The following EHBP1 variants were observed in gnomAD, a reference collection of about 807,000 sequenced individuals.
EHBP1 encodes the protein EH domain binding protein 1, also known as EH domain-binding protein 1.
A neutral mutation model predicts 144.0 loss-of-function variants in EHBP1; 55 were observed. The ratio of observed to expected loss-of-function variants is 0.38; its 90% CI spans 0.31 to 0.48. EHBP1 has a LOEUF of 0.48. EHBP1 is among the 20% of genes least tolerant of loss of function. EHBP1 has a pLI of 0.98. For missense variants in EHBP1, 1,200 were observed against 1,364.2 expected (o/e 0.88, Z 1.90); for synonymous variants, 469 against 472.7 (o/e 0.99, Z 0.10).
intron 2 of EHBP1, among the ~76,000 whole-genome samples, chr2:62,717,006 G>A (rs116489849): frequency 0.02 from 3,026 of 152,186 alleles, 104 homozygotes; most frequent in African/African-American, 0.069. Context: ...GGCCTCAAGC[G>A]ACCCTCTGCC....
chr2:62,945,566 G>A (rs1384552268), intron 12 of EHBP1, among the ~76,000 whole-genome samples: 1 of 152,096 alleles, frequency 6.6e-6, no homozygotes, highest in Admixed American at 6.6e-5. Context: ...CCTGGGGAAT[G>A]TAGCAAGACC....
At chr2:62,934,808 A>C (rs1377216866) in intron 10 of EHBP1, among the ~76,000 whole-genome samples, 1 of 152,192 alleles carries the variant, frequency 6.6e-6, no homozygotes, top group East Asian at 1.9e-4. Context: ...AGTTCACCAA[A>C]CTGGGGTCAG....
chr2:62,898,602 TTTCTC>T (rs1167339213), intron 10 of EHBP1, among the ~76,000 whole-genome samples: 4 of 152,160 alleles, frequency 2.6e-5, no homozygotes, highest in African/African-American at 4.8e-5. Context: ...AACCACCCCT[TTTCTC>T]CAATCACTAT....
chr2:62,991,958 G>C lies in EHBP1; in HGVS notation c.2733+1118G>C, dbSNP rs534747856. On this transcript the variant is annotated intron_variant, in intron 16 of 22. Transcript: ENST00000431489. The stretch of plus-strand genomic sequence containing the variant: ...TTTGAACAAAAGGAAGCCTGGATCG[G>C]GTCTGATTTTTTGCGTTCAATTTAG... 3.9e-5 allele frequency among the ~76,000 whole-genome samples: 6 copies of C among 152,268 alleles called. No individual in the cohort carries two copies. In the South Asian group the frequency reaches 1.0e-3, roughly 26 times the overall value.
intron 7 of EHBP1, among the ~76,000 whole-genome samples, chr2:62,836,847 C>A (rs1260460730): frequency 6.6e-6 from 1 of 151,376 alleles, no homozygotes; most frequent in Non-Finnish European, 1.5e-5. Flanking sequence ...TGTGAAAAGA[C>A]CAAATGTATG....
intron 2 of EHBP1, among the ~76,000 whole-genome samples, chr2:62,724,310 C>T (rs1284097871): frequency 6.6e-6 from 1 of 152,168 alleles, no homozygotes; most frequent in African/African-American, 2.4e-5. Flanking sequence ...TAGTGTGTAA[C>T]CAATTCTGTC....
At chr2:62,716,162 A>G (rs113743036) in intron 2 of EHBP1, among the ~76,000 whole-genome samples, 109 of 152,084 alleles carry the variant, frequency 7.2e-4, no homozygotes, top group African/African-American at 2.4e-3. Context: ...CTCTACTTCC[A>G]GAATTTTCTG....
At chr2:62,742,968 A>G (rs551145010) in intron 2 of EHBP1, among the ~76,000 whole-genome samples, 102 of 152,242 alleles carry the variant, frequency 6.7e-4, no homozygotes, top group East Asian at 3.5e-3. Flanking sequence ...ACCTCCCACC[A>G]GCATAAAGTA....
At chr2:62,977,980 G>A (rs1204025427) in intron 14 of EHBP1, among the ~76,000 whole-genome samples, 1 of 152,054 alleles carries the variant, frequency 6.6e-6, no homozygotes, top group African/African-American at 2.4e-5. Context: ...CACACTCAGA[G>A]CCACAAGTAC....
chr2:62,915,119 G>T (rs1381557200), intron 10 of EHBP1, among the ~76,000 whole-genome samples: 1 of 151,822 alleles, frequency 6.6e-6, no homozygotes, highest in African/African-American at 2.4e-5. Context: ...TATGGTCTAT[G>T]TATACGTATG....
intron 19 of EHBP1, among the ~76,000 whole-genome samples, chr2:63,032,000 T>G (rs932188942): frequency 6.6e-6 from 1 of 152,140 alleles, no homozygotes; most frequent in African/African-American, 2.4e-5. Context: ...TTATATTTTT[T>G]TCCGTAATGA....
rs142184822 is a variant in EHBP1, at chr2:63,045,656, T to G, written c.*156T>G. On this transcript the variant is annotated 3_prime_UTR_variant, in exon 23 of 23. Transcript: ENST00000431489. The surrounding 1 kb of genome is among the most constrained non-coding windows in gnomAD (Gnocchi z 5.7). ...TTACCACCACCACCCTTTTCCTCCC[T>G]CCTTTCCAAATAATATACAGAACTC... 314 of 610,994 alleles carry G rather than the reference T, an allele frequency of 5.1e-4. 1 individual carries two copies. The highest frequency in any genetic ancestry group is 4.8e-3 in the African/African-American group (259 of 54,060). 37.8% of individuals were successfully genotyped at this position (610,994 alleles called of 1,614,324 possible).
chr2:62,830,195 CATATATATACACATAT>C (rs2046723656), intron 6 of EHBP1, among the ~76,000 whole-genome samples: 1 of 116,250 alleles, frequency 8.6e-6, no homozygotes, highest in African/African-American at 3.4e-5. Context: ...CACACACACA[CATATATATACACATAT>C]ACACACACAC....
At chr2:62,820,421 A>G (rs1357263856) in intron 5 of EHBP1, among the ~76,000 whole-genome samples, 1 of 151,858 alleles carries the variant, frequency 6.6e-6, no homozygotes, top group Non-Finnish European at 1.5e-5. Context: ...AGTGCCATTG[A>G]GTACATTCAC....
intron 10 of EHBP1, among the ~76,000 whole-genome samples, chr2:62,916,110 C>T (rs1574039966): frequency 6.6e-6 from 1 of 152,150 alleles, no homozygotes; most frequent in Non-Finnish European, 1.5e-5. Context: ...GACTTGAGCC[C>T]AGGAGTTTGA....
intron 3 of EHBP1, among the ~76,000 whole-genome samples, chr2:62,749,309 A>G (rs1009326972): frequency 7.9e-5 from 12 of 152,248 alleles, no homozygotes; most frequent in African/African-American, 2.9e-4. Context: ...TTCAAAGGAC[A>G]TGAACTCATC....
chr2:62,832,783 C>T (rs1369341510), intron 7 of EHBP1, among the ~76,000 whole-genome samples: 3 of 152,106 alleles, frequency 2.0e-5, no homozygotes, highest in South Asian at 2.1e-4. Flanking sequence ...TGGGCCTCCT[C>T]GTTCCCTGGG....
At position 62,979,210 on chromosome 2, in the gene EHBP1, G is replaced by A. The variant is rs143133706; in HGVS notation, c.2483G>A (p.Arg828Gln). ...LSDQQDEERR[R>Q]QLRERARQLI... is the part of the protein sequence containing the mutation. ...TAGCAGCAAGATGAAGAGCGACGTC[G>A]GCAGCTGAGAGAGAGAGCTCGTCAG... Residue 828 changes from arginine (R) to glutamine (Q), a missense_variant, in exon 15 of 23, where the codon CGG (arginine) becomes CAG (glutamine). By Grantham distance (43) the Arg-to-Gln change is conservative (BLOSUM62 1). This residue lies in a region of EHBP1 where 543 missense variants were observed against 513.1 expected (regional missense o/e 1.06). Transcript: ENST00000431489. 3.9e-4 allele frequency: 632 copies of A among 1,613,050 alleles called. 1 individual carries two copies. The highest frequency in any genetic ancestry group is 5.2e-4 in the Non-Finnish European group (612 of 1,179,496).
At chr2:62,724,232 T>C (rs1456608947) in intron 2 of EHBP1, among the ~76,000 whole-genome samples, 1 of 152,226 alleles carries the variant, frequency 6.6e-6, no homozygotes, top group Non-Finnish European at 1.5e-5. Flanking sequence ...GTCTTCAAGC[T>C]CTGAAATTCT....
Sources: allele counts gnomAD v4.1 joint callset (sites outside exome capture counted in the v4.1 genomes callset), GRCh38; gene constraint gnomAD v4.1.1; regional missense constraint gnomAD v4.1.1; non-coding constraint Gnocchi (gnomAD v3.1); transcripts MANE v1.5; gene names NCBI Gene and HGNC (gene_info 2026-07-23, HGNC 2026-07-21).